Variants in ZFHX3 observed in about 807,000 individuals in gnomAD.
The protein encoded by ZFHX3 is zinc finger homeobox protein 3.
In ZFHX3, 42 loss-of-function variants were observed where a neutral mutation model predicts 279.1. The ratio of observed to expected loss-of-function variants is 0.15; its 90% CI spans 0.12 to 0.19. ZFHX3 has a LOEUF of 0.19. Ranked by LOEUF, ZFHX3 falls within the 10% of genes least tolerant of loss-of-function variation. ZFHX3 has a pLI of 1.00. For missense variants in ZFHX3, 4,981 were observed against 4,754.0 expected, an observed-to-expected ratio of 1.05 and a Z score of -1.40; for synonymous variants, 2,293 against 1,957.8, an observed-to-expected ratio of 1.17 and a Z score of -4.52.
chr16:73,788,408 C>T (rs1959725144), intron 1 of ZFHX3, among the ~76,000 whole-genome samples: 1 of 152,140 alleles, frequency 6.6e-6, no homozygotes, highest in South Asian at 2.1e-4. Context: ...CCTTGGACTC[C>T]TCAGAAGAAA....
intron 4 of ZFHX3, among the ~76,000 whole-genome samples, chr16:73,279,966 T>C (rs894127444): frequency 5.9e-5 from 9 of 152,170 alleles, no homozygotes; most frequent in African/African-American, 1.9e-4. Context: ...AATAAACTCA[T>C]GTATAGATGG....
chr16:73,672,991 A>G (rs1274544908), intron 2 of ZFHX3, among the ~76,000 whole-genome samples: 1 of 152,216 alleles, frequency 6.6e-6, no homozygotes, highest in Non-Finnish European at 1.5e-5. Context: ...TTGCAACAAC[A>G]TAAATGGATC....
intron 3 of ZFHX3, among the ~76,000 whole-genome samples, chr16:73,345,913 C>T (rs937168392): frequency 6.6e-6 from 1 of 152,048 alleles, no homozygotes; most frequent in Non-Finnish European, 1.5e-5. Context: ...TCAGCTGTGG[C>T]CAGAATTTAG....
intron 5 of ZFHX3, among the ~76,000 whole-genome samples, chr16:73,162,613 C>T (rs995352172): frequency 2.0e-5 from 3 of 152,060 alleles, no homozygotes; most frequent in Non-Finnish European, 4.4e-5. Context: ...AAATGTAATG[C>T]ACCACACCCG....
chr16:73,845,389 G>GGAGCTAGTA (rs1436510935), intron 1 of ZFHX3, among the ~76,000 whole-genome samples: 2 of 152,102 alleles, frequency 1.3e-5, no homozygotes, highest in African/African-American at 4.8e-5. Flanking sequence ...AGTACAAGAA[G>GGAGCTAGTA]CACCTTCCTT....
At chr16:72,881,569 G>A (rs931285057) in intron 4 of ZFHX3, among the ~76,000 whole-genome samples, 3 of 152,172 alleles carry the variant, frequency 2.0e-5, no homozygotes, top group African/African-American at 4.8e-5. Flanking sequence ...GATGTAAGTA[G>A]CCCTAGAAAT....
chr16:73,353,641 C>G (rs890545461), intron 3 of ZFHX3, among the ~76,000 whole-genome samples: 2 of 152,108 alleles, frequency 1.3e-5, no homozygotes, highest in Non-Finnish European at 2.9e-5. Context: ...AGCCATCCTG[C>G]CCCTCTGCAG....
intron 1 of ZFHX3, among the ~76,000 whole-genome samples, chr16:73,683,467 C>G (rs1307959697): frequency 6.6e-6 from 1 of 152,146 alleles, no homozygotes; most frequent in Non-Finnish European, 1.5e-5. Flanking sequence ...TGTCTCAAAT[C>G]CCCTGGATAA....
At chr16:73,886,199 C>CT (rs1023745787) in intron 1 of ZFHX3, among the ~76,000 whole-genome samples, 1 of 151,738 alleles carries the variant, frequency 6.6e-6, no homozygotes, top group African/African-American at 2.4e-5. Context: ...CTGTTACTTC[C>CT]TTTTTTAAAA....
chr16:73,430,633 T>G (rs1411600935), intron 3 of ZFHX3, among the ~76,000 whole-genome samples: 1 of 152,234 alleles, frequency 6.6e-6, no homozygotes, highest in South Asian at 2.1e-4. Flanking sequence ...CTGGCTCTTC[T>G]GCCTGTCATT....
At chr16:72,820,465 C>T (rs1354145142) in intron 5 of ZFHX3, among the ~76,000 whole-genome samples, 1 of 152,196 alleles carries the variant, frequency 6.6e-6, no homozygotes, top group East Asian at 1.9e-4. Flanking sequence ...CTGGTTTAGA[C>T]CAACATCAGC....
Position 73,047,983 on chromosome 16 carries a change from G to A in ZFHX3, c.-281C>T, listed in dbSNP as rs913562162. ...GGAGCTCATGGTGGCGGCAGGGCTGGCGGTCGGCCCGTCCCCGGAGGGAGG... is the reference window on the plus strand; with the variant it reads ...GGAGCTCATGGTGGCGGCAGGGCTGACGGTCGGCCCGTCCCCGGAGGGAGG... On this transcript the variant is annotated 5_prime_UTR_variant, in exon 1 of 10. Coordinates refer to ENST00000268489, the MANE Select transcript of ZFHX3 (RefSeq NM_006885.4). 3.3e-5 allele frequency: 5 copies of A among 152,340 alleles called. No homozygotes were observed. The highest frequency in any genetic ancestry group is 9.7e-5 in the African/African-American group (4 of 41,444). 9.4% of individuals were successfully genotyped at this position (152,340 alleles called of 1,614,324 possible). A position where few individuals can be genotyped will look rare whatever the true frequency, so the allele number is the denominator to read the frequency against.
chr16:73,644,136 C>G (rs2052597427), intron 2 of ZFHX3, among the ~76,000 whole-genome samples: 1 of 152,170 alleles, frequency 6.6e-6, no homozygotes. Context: ...CTAGGTGGTT[C>G]TGGAATTCTG....
At chr16:73,012,002 T>A (rs1283227851) in intron 1 of ZFHX3, among the ~76,000 whole-genome samples, 1 of 152,020 alleles carries the variant, frequency 6.6e-6, no homozygotes, top group African/African-American at 2.4e-5. Flanking sequence ...ATACTATCTT[T>A]AGAGGAAGGC....
chr16:73,572,547 C>T lies in ZFHX3; in HGVS notation c.-1547+107633G>A, dbSNP rs904908610. 2.6e-5 allele frequency among the ~76,000 whole-genome samples: 4 copies of T among 152,234 alleles called. No individual in the cohort carries two copies. The East Asian group carries it at 7.7e-4, about 29-fold the overall frequency. Reference sequence around the variant, plus strand: ...CATAAAGCTGTCTTGAGCCTCCCCTCTCCGTAGGTCTAATGTTGCTTGGTC... The same window carrying T: ...CATAAAGCTGTCTTGAGCCTCCCCTTTCCGTAGGTCTAATGTTGCTTGGTC... On this transcript the variant is annotated intron_variant, in intron 2 of 17. Coordinates refer to the ZFHX3 transcript ENST00000641206.
intron 5 of ZFHX3, among the ~76,000 whole-genome samples, chr16:73,245,571 G>A (rs71388963): frequency 0.028 from 4,286 of 152,298 alleles, 112 homozygotes; most frequent in Admixed American, 0.076. Flanking sequence ...CAAATGAGAG[G>A]TAGGTTATGT....
intron 3 of ZFHX3, among the ~76,000 whole-genome samples, chr16:73,398,011 AT>A (rs2017164939): frequency 6.6e-6 from 1 of 152,016 alleles, no homozygotes; most frequent in Non-Finnish European, 1.5e-5. Context: ...TGCCCGGCTA[AT>A]TTTTATATTT....
chr16:73,216,282 G>T (rs1387589100), intron 5 of ZFHX3, among the ~76,000 whole-genome samples: 1 of 152,160 alleles, frequency 6.6e-6, no homozygotes, highest in Non-Finnish European at 1.5e-5. Flanking sequence ...GCTTCTTGCT[G>T]CTTACAGGTC....
chr16:73,667,325 G>T (rs1164914420), intron 2 of ZFHX3, among the ~76,000 whole-genome samples: 1 of 152,180 alleles, frequency 6.6e-6, no homozygotes, highest in Non-Finnish European at 1.5e-5. Flanking sequence ...CTAGTTGAAG[G>T]ACACCTGGAC....
Sources: allele counts gnomAD v4.1 joint callset (sites outside exome capture counted in the v4.1 genomes callset), GRCh38; gene constraint gnomAD v4.1.1; transcripts MANE v1.5; gene names NCBI Gene and HGNC (gene_info 2026-07-23, HGNC 2026-07-21).